LETMD1: variants seen among roughly 807,000 people sequenced by gnomAD.
LETMD1 encodes the protein LETM1 domain-containing protein 1.
Under a neutral mutation model 43.9 loss-of-function variants are expected in LETMD1, and 30 were observed. That is an observed-to-expected ratio of 0.68 (90% CI 0.51 to 0.93). The LOEUF (loss-of-function observed/expected upper bound fraction) is 0.93, where lower values mean the gene tolerates loss of function less well. Ranked by LOEUF, LETMD1 falls within the 40% of genes least tolerant of loss-of-function variation. The pLI is 0.00. For synonymous variants in LETMD1, 176 were observed against 163.1 expected (o/e 1.08, Z -0.60); for missense variants, 413 against 447.7 (o/e 0.92, Z 0.70).
At position 51,060,129 on chromosome 12, in the gene LETMD1, T is replaced by C. The variant is rs1487148627; in HGVS notation, c.*698T>C. 6.5e-6 allele frequency: 1 copy of C among 152,812 alleles called. No homozygotes were observed. Among genetic ancestry groups the C allele is most frequent in the Non-Finnish European group, 1.5e-5 (1 of 68,208 alleles). The allele number at this position is 152,812 out of a possible 1,614,324, so 9.5% of individuals were successfully genotyped here. A position where few individuals can be genotyped will look rare whatever the true frequency, so the allele number is the denominator to read the frequency against. On this transcript the variant is annotated 3_prime_UTR_variant, in exon 9 of 9. Transcript: ENST00000262055. The stretch of plus-strand genomic sequence containing the variant: ...TTCTAGCCTTCACTCTCCATTGTCT[T>C]TTCTGGGCTGTATTACAGCCCTCTG...
intron 2 of LETMD1, among the ~76,000 whole-genome samples, chr12:51,050,967 C>T (rs56809860): frequency 0.037 from 5,504 of 149,718 alleles, 338 homozygotes; most frequent in African/African-American, 0.13. Flanking sequence ...GAGCCAAGAT[C>T]GCACCATTGC....
chr12:51,059,800 C>T lies in LETMD1; in HGVS notation c.*369C>T, dbSNP rs1371611204. Reference sequence around the variant, plus strand: ...AATCCTTATTTGGCTTAGGACTGATCCACTTCCATGTTACTTACATCTGTG... The same window carrying T: ...AATCCTTATTTGGCTTAGGACTGATTCACTTCCATGTTACTTACATCTGTG... On this transcript the variant is annotated 3_prime_UTR_variant, in exon 9 of 9. Coordinates refer to ENST00000262055, the MANE Select transcript of LETMD1 (RefSeq NM_015416.5). The T allele has an allele frequency of 4.8e-6, 1 of 208,404 alleles. No homozygotes were observed. The highest frequency in any genetic ancestry group is 2.3e-5 in the African/African-American group (1 of 43,934). 12.9% of individuals were successfully genotyped at this position (208,404 alleles called of 1,614,324 possible). A position where few individuals can be genotyped will look rare whatever the true frequency, so the allele number is the denominator to read the frequency against.
chr12:51,063,044 A>G (rs1937731785), downstream of LETMD1: 1 of 152,240 alleles, frequency 6.6e-6, no homozygotes, highest in African/African-American at 2.4e-5. Context: ...GGATGGAGAG[A>G]AAAAAGACAC....
chr12:51,064,175 T>C (rs748835884), downstream of LETMD1: 33 of 1,614,138 alleles, frequency 2.0e-5, no homozygotes, highest in Non-Finnish European at 2.8e-5. Flanking sequence ...TTGAGGCAGT[T>C]GGGTGGTCTG....
chr12:51,055,753 C>G (rs986943720), intron 4 of LETMD1, 82 bp from the exon 5 acceptor site: 1 of 805,152 alleles, frequency 1.2e-6, no homozygotes, highest in South Asian at 1.8e-5. Context: ...TCCTAGTATT[C>G]ATGTCTACCA....
chr12:51,048,249 CT>C, upstream of LETMD1: 1 of 1,468,516 alleles, frequency 6.8e-7, no homozygotes, highest in Non-Finnish European at 9.5e-7. Context: ...CAGGCTATGG[CT>C]ACCAATCAGC....
Position 51,059,342 on chromosome 12 carries a change from A to G in LETMD1, c.1013-19A>G, listed in dbSNP as rs776919661. The G allele has an allele frequency of 1.9e-6, 3 of 1,612,848 alleles. No individual in the cohort carries two copies. The highest frequency in any genetic ancestry group is 2.5e-6 in the Non-Finnish European group (3 of 1,178,828). ...TAAGGCAGTGTTCCCAAGCCAAACC[A>G]CTAACACTGTGTTTTCAGAAGCTGA... On this transcript the variant is annotated intron_variant, in intron 8 of 8. Transcript: ENST00000262055.
chr12:51,056,677 CAG>C (rs1947839327), intron 7 of LETMD1, 175 bp downstream of exon 7: 2 of 543,564 alleles, frequency 3.7e-6, no homozygotes, highest in Non-Finnish European at 6.1e-6. Flanking sequence ...TATTTTGAGA[CAG>C]AGTCTCATTC....
At chr12:51,067,570 T>A in the LETMD1 span, 16 of 1,132,918 alleles carry the variant, frequency 1.4e-5, no homozygotes, top group Admixed American at 8.0e-5. The surrounding 1 kb of genome is among the most constrained non-coding windows in gnomAD (Gnocchi z 4.1). Context: ...TTCACAACCA[T>A]AGGGAATCCA....
At chr12:51,064,157 G>GT, downstream of LETMD1, 1 of 1,614,184 alleles carries the variant, frequency 6.2e-7, no homozygotes, top group Non-Finnish European at 8.5e-7. Flanking sequence ...AGGATGGGCT[G>GT]TTCACCGTTG....
At chr12:51,060,737 C>T (rs753743062), downstream of LETMD1, among the ~76,000 whole-genome samples, 3 of 151,982 alleles carry the variant, frequency 2.0e-5, no homozygotes, top group African/African-American at 4.8e-5. Context: ...CCCGTCTCAA[C>T]TAAAATAGCA....
chr12:51,057,658 C>T (rs1433620705), intron 7 of LETMD1: 3 of 212,726 alleles, frequency 1.4e-5, no homozygotes, highest in Non-Finnish European at 1.9e-5. Flanking sequence ...CAGAGTCTCG[C>T]TCTGTTGCCC....
rs1025553546 is a variant in LETMD1, at chr12:51,049,107, G to A, written c.196G>A (p.Ala66Thr). Residue 66 changes from alanine to threonine, a missense_variant, in exon 2 of 9, where the codon GCG becomes ACG. Ala to Thr is a moderately conservative substitution (Grantham distance 58). Transcript: ENST00000262055. ...LMSYVVTKTK[A>T]INGKYHRFLG... ...GTCTTATGTGGTAACCAAGACAAAA[G>A]CGATTAATGGGAAATACCATCGTTT... The A allele has an allele frequency of 6.2e-7, 1 of 1,613,932 alleles. No homozygotes were observed. Among genetic ancestry groups the A allele is most frequent in the Non-Finnish European group, 8.5e-7 (1 of 1,179,828 alleles).
chr12:51,059,348 A>G lies in LETMD1; in HGVS notation c.1013-13A>G. 6.2e-7 allele frequency: 1 copy of G among 1,613,630 alleles called. No homozygotes were observed. The highest frequency in any genetic ancestry group is 1.3e-5 in the African/African-American group (1 of 75,038). On this transcript the variant is annotated splice_polypyrimidine_tract_variant and intron_variant, in intron 8 of 8. Coordinates refer to ENST00000262055, the MANE Select transcript of LETMD1 (RefSeq NM_015416.5). The stretch of plus-strand genomic sequence containing the variant: ...AGTGTTCCCAAGCCAAACCACTAAC[A>G]CTGTGTTTTCAGAAGCTGAGCTGTC...
At chr12:51,056,552 G>T in intron 7 of LETMD1, 50 bp downstream of exon 7, 5 of 1,607,582 alleles carry the variant, frequency 3.1e-6, no homozygotes, top group Non-Finnish European at 4.3e-6. Flanking sequence ...GTGCTTTTGA[G>T]CCTATGGCAG....
rs557548046 is a variant in LETMD1 at position 51,051,160 on chromosome 12, C to T, written c.275-932C>T. On this transcript the variant is annotated intron_variant, in intron 2 of 8. Coordinates refer to ENST00000262055, the MANE Select transcript of LETMD1 (RefSeq NM_015416.5). ...GTGGCTCACGCCTGTAATCCTAGCA[C>T]TTTGGGAGGCCAAGGCGGGCGGATC... Among the ~76,000 whole-genome samples, 4 of 151,480 alleles carry T rather than the reference C, an allele frequency of 2.6e-5. No individual in the cohort carries two copies. The East Asian group carries it at 8.0e-4, about 30-fold the overall frequency.
chr12:51,066,281 C>T, the LETMD1 span, among the ~76,000 whole-genome samples: 1 of 151,670 alleles, frequency 6.6e-6, no homozygotes, highest in South Asian at 2.1e-4. Context: ...GGTGAAACGC[C>T]GTCTCTACTA....
At chr12:51,061,273 A>C (rs1295847142), downstream of LETMD1, 2 of 152,666 alleles carry the variant, frequency 1.3e-5, no homozygotes, top group Non-Finnish European at 2.9e-5. Flanking sequence ...CACAATGTAA[A>C]GAACCTAAAG....
At chr12:51,053,368 A>G (rs948714103) in intron 3 of LETMD1, among the ~76,000 whole-genome samples, 2 of 152,154 alleles carry the variant, frequency 1.3e-5, no homozygotes, top group Non-Finnish European at 1.5e-5. Flanking sequence ...TGGGGACCAC[A>G]TGCAGTGCTC....
Sources: allele counts gnomAD v4.1 joint callset (sites outside exome capture counted in the v4.1 genomes callset), GRCh38; gene constraint gnomAD v4.1.1; non-coding constraint Gnocchi (gnomAD v3.1); transcripts MANE v1.5; gene names NCBI Gene and HGNC (gene_info 2026-07-23, HGNC 2026-07-21).